The following PLXDC2 variants were observed in gnomAD, a reference collection of about 807,000 sequenced individuals.
PLXDC2 encodes the protein plexin domain containing 2.
A neutral mutation model predicts 68.9 loss-of-function variants in PLXDC2; 40 were observed. That is an observed-to-expected ratio of 0.58 (90% confidence interval 0.45 to 0.76). PLXDC2 has a LOEUF of 0.76. Ranked by LOEUF, PLXDC2 falls within the 30% of genes least tolerant of loss-of-function variation. The pLI is 0.00. For missense variants in PLXDC2, 644 were observed against 661.9 expected (o/e 0.97, Z 0.30); for synonymous variants, 243 against 234.2 (o/e 1.04, Z -0.34).
At chr10:20,236,089 T>G (rs1194887512) in intron 12 of PLXDC2, among the ~76,000 whole-genome samples, 1 of 152,220 alleles carries the variant, frequency 6.6e-6, no homozygotes, top group Admixed American at 6.5e-5. Flanking sequence ...TACTAGGATT[T>G]TCTTTTTCCC....
chr10:20,144,651 A>G (rs1834049635), intron 5 of PLXDC2, among the ~76,000 whole-genome samples: 1 of 152,216 alleles, frequency 6.6e-6, no homozygotes, highest in African/African-American at 2.4e-5. Context: ...TAAGTACACT[A>G]TTCTTGAGGC....
At chr10:20,075,722 A>C (rs776323257) in intron 4 of PLXDC2, among the ~76,000 whole-genome samples, 7 of 152,150 alleles carry the variant, frequency 4.6e-5, no homozygotes, top group Non-Finnish European at 7.4e-5. Context: ...AATGAAGGAG[A>C]ACAATTAGAT....
intron 4 of PLXDC2, among the ~76,000 whole-genome samples, chr10:20,141,238 C>T (rs1834003232): frequency 6.6e-6 from 1 of 151,778 alleles, no homozygotes. Flanking sequence ...GGAGCAGTTT[C>T]TTGGCAAATC....
At chr10:20,208,815 G>A (rs1488368594) in intron 9 of PLXDC2, among the ~76,000 whole-genome samples, 1 of 152,042 alleles carries the variant, frequency 6.6e-6, no homozygotes, top group Non-Finnish European at 1.5e-5. Flanking sequence ...AGAAATAAAG[G>A]GACAGAGTAC....
At chr10:20,058,548 G>A (rs1170596942) in intron 3 of PLXDC2, among the ~76,000 whole-genome samples, 1 of 152,134 alleles carries the variant, frequency 6.6e-6, no homozygotes, top group Non-Finnish European at 1.5e-5. Flanking sequence ...CAAGATATCT[G>A]TTACATCGAT....
At chr10:19,903,275 A>T (rs901429998) in intron 1 of PLXDC2, among the ~76,000 whole-genome samples, 1 of 150,704 alleles carries the variant, frequency 6.6e-6, no homozygotes, top group Non-Finnish European at 1.5e-5. Context: ...TGAATGTCTC[A>T]TAGAATTCAG....
At chr10:19,878,021 G>A (rs1837664718) in intron 1 of PLXDC2, among the ~76,000 whole-genome samples, 1 of 152,206 alleles carries the variant, frequency 6.6e-6, no homozygotes, top group Non-Finnish European at 1.5e-5. Context: ...AATATGCATA[G>A]TAAAGACATT....
At chr10:20,090,087 G>C (rs1472816983) in intron 4 of PLXDC2, among the ~76,000 whole-genome samples, 2 of 152,174 alleles carry the variant, frequency 1.3e-5, no homozygotes, top group East Asian at 3.9e-4. Context: ...AATCTTCCCA[G>C]TTGGTAAACC....
At chr10:20,006,229 T>G (rs1356886214) in intron 2 of PLXDC2, among the ~76,000 whole-genome samples, 4 of 152,180 alleles carry the variant, frequency 2.6e-5, no homozygotes, top group African/African-American at 9.7e-5. Flanking sequence ...GCATCTCTTT[T>G]GGGGAAAATA....
chr10:19,848,994 T>C (rs1837064983), intron 1 of PLXDC2, among the ~76,000 whole-genome samples: 1 of 152,346 alleles, frequency 6.6e-6, no homozygotes, highest in Middle Eastern at 3.4e-3. Context: ...GTCCTATTAA[T>C]ATCCTATTAA....
intron 11 of PLXDC2, among the ~76,000 whole-genome samples, chr10:20,217,934 G>A (rs1283976348): frequency 1.3e-5 from 2 of 151,904 alleles, no homozygotes; most frequent in Admixed American, 6.6e-5. Context: ...AGGTTAGAAA[G>A]GCAAAATGCA....
chr10:19,844,871 G>T (rs895007870), intron 1 of PLXDC2, among the ~76,000 whole-genome samples: 8 of 152,170 alleles, frequency 5.3e-5, no homozygotes, highest in African/African-American at 1.9e-4. Context: ...TGGGATTACA[G>T]GCAAGAGCCA....
At chr10:20,114,292 G>C (rs150561046) in intron 4 of PLXDC2, among the ~76,000 whole-genome samples, 264 of 152,302 alleles carry the variant, frequency 1.7e-3, no homozygotes, top group Non-Finnish European at 2.6e-3. Context: ...GCCACATCAT[G>C]CACCGTTCTC....
chr10:20,211,818 G>A, intron 10 of PLXDC2, 89 bp downstream of exon 10: 1 of 1,218,690 alleles, frequency 8.2e-7, no homozygotes, highest in Non-Finnish European at 1.2e-6. Flanking sequence ...CAAAATTTAT[G>A]CCCTAAAACT....
At chr10:20,144,793 A>G (rs1834051577) in intron 5 of PLXDC2, among the ~76,000 whole-genome samples, 2 of 152,218 alleles carry the variant, frequency 1.3e-5, no homozygotes. Context: ...GACATTCACT[A>G]GGTGATGTTA....
At chr10:20,014,469 C>T (rs548021269) in intron 2 of PLXDC2, among the ~76,000 whole-genome samples, 69 of 144,656 alleles carry the variant, frequency 4.8e-4, no homozygotes, top group Non-Finnish European at 8.9e-4. Context: ...TTCTTTCTTT[C>T]TTTTTTTTCC....
At chr10:19,909,130 T>A (rs1833220930) in intron 1 of PLXDC2, among the ~76,000 whole-genome samples, 3 of 152,152 alleles carry the variant, frequency 2.0e-5, no homozygotes, top group Admixed American at 2.0e-4. Context: ...AAACCAAGTT[T>A]CTATGGGTAA....
At chr10:20,068,069 T>C (rs1836245336) in intron 3 of PLXDC2, 101 bp from the exon 4 acceptor site, 6 of 948,114 alleles carry the variant, frequency 6.3e-6, no homozygotes, top group Non-Finnish European at 9.5e-6. Context: ...AATTATGGGG[T>C]AAAGTAGAAG....
chr10:20,010,200 G>A (rs1156933233), intron 2 of PLXDC2, among the ~76,000 whole-genome samples: 1 of 152,142 alleles, frequency 6.6e-6, no homozygotes, highest in East Asian at 1.9e-4. Flanking sequence ...TTGAGAATCG[G>A]CCTTGTTTCT....
Sources: gnomAD v4.1 joint callset for allele counts (sites outside exome capture counted in the v4.1 genomes callset) on GRCh38, gnomAD v4.1.1 for gene constraint, MANE v1.5 for transcripts, NCBI Gene and HGNC (gene_info 2026-07-23, HGNC 2026-07-21) for gene names.